RYR2: variants seen among roughly 807,000 people sequenced by gnomAD.
RYR2 encodes the protein cardiac muscle ryanodine receptor-calcium release channel.
A neutral mutation model predicts 601.1 loss-of-function variants in RYR2; 227 were observed. That is an observed-to-expected ratio of 0.38 (90% confidence interval 0.34 to 0.42). RYR2 has a LOEUF of 0.42. Among genes scored for constraint, RYR2 ranks in the 10% least tolerant of loss-of-function variants. The pLI, the probability that RYR2 is intolerant of heterozygous loss-of-function variation, is 1.00. For synonymous variants in RYR2, 2,223 were observed against 2,175.1 expected, an observed-to-expected ratio of 1.02 and a Z score of -0.61; for missense variants, 4,646 against 6,156.5, an observed-to-expected ratio of 0.75 and a Z score of 8.21.
chr1:237,813,506 G>T (rs1558470891), intron 100 of RYR2, among the ~76,000 whole-genome samples: 1 of 152,174 alleles, frequency 6.6e-6, no homozygotes, highest in Admixed American at 6.6e-5. Context: ...CTTTTATTAT[G>T]CAGTCGTCAT....
intron 36 of RYR2, 93 bp downstream of exon 36, chr1:237,611,081 T>C (rs907864966): frequency 2.9e-6 from 3 of 1,019,446 alleles, no homozygotes; most frequent in South Asian, 3.2e-5. Flanking sequence ...GCAGGGGTGG[T>C]TCTAAAGAAA....
chr1:237,175,024 A>G (rs1677862316), intron 1 of RYR2, among the ~76,000 whole-genome samples: 1 of 152,234 alleles, frequency 6.6e-6, no homozygotes, highest in Non-Finnish European at 1.5e-5. Flanking sequence ...TTATGTTTGT[A>G]AAGCCTTAGT....
chr1:237,085,910 C>T (rs969275320), intron 1 of RYR2, among the ~76,000 whole-genome samples: 6 of 152,306 alleles, frequency 3.9e-5, no homozygotes, highest in East Asian at 3.9e-4. Flanking sequence ...TGTGCCGCTA[C>T]GCCTGGCTAA....
At chr1:237,770,240 T>G (rs1694166469) in intron 84 of RYR2, among the ~76,000 whole-genome samples, 1 of 152,222 alleles carries the variant, frequency 6.6e-6, no homozygotes, top group South Asian at 2.1e-4. Context: ...TCAGAAATCT[T>G]TCTTTTTATT....
chr1:237,636,955 G>T (rs182402171), intron 44 of RYR2, among the ~76,000 whole-genome samples: 1 of 152,296 alleles, frequency 6.6e-6, no homozygotes, highest in Admixed American at 6.5e-5. Context: ...ATGCTGCATG[G>T]TTATGTGTAC....
intron 71 of RYR2, among the ~76,000 whole-genome samples, chr1:237,712,924 G>A (rs1289614534): frequency 6.6e-6 from 1 of 152,196 alleles, no homozygotes; most frequent in African/African-American, 2.4e-5. Flanking sequence ...CTCAGGCAGA[G>A]CAAATTAGCC....
intron 12 of RYR2, among the ~76,000 whole-genome samples, chr1:237,424,430 C>T (rs1370184149): frequency 1.3e-5 from 2 of 152,142 alleles, no homozygotes; most frequent in Non-Finnish European, 2.9e-5. Flanking sequence ...CTAGGAAATT[C>T]TTAGTATTCA....
chr1:237,786,115 G>A (rs890792003), intron 91 of RYR2, 79 bp downstream of exon 91: 3 of 879,214 alleles, frequency 3.4e-6, no homozygotes, highest in Non-Finnish European at 5.4e-6. Flanking sequence ...GTCTTTGGGA[G>A]CTGCAAGGGA....
chr1:237,235,332 C>T (rs139687804), intron 1 of RYR2, among the ~76,000 whole-genome samples: 2 of 152,174 alleles, frequency 1.3e-5, no homozygotes, highest in Non-Finnish European at 2.9e-5. Flanking sequence ...TCTAGCCTCT[C>T]GAGAGCAGCC....
intron 46 of RYR2, among the ~76,000 whole-genome samples, chr1:237,639,861 T>C (rs1285272967): frequency 1.3e-5 from 2 of 152,152 alleles, no homozygotes; most frequent in African/African-American, 2.4e-5. Flanking sequence ...TAGGGCTTTA[T>C]TGAGGCACAT....
At position 237,705,298 on chromosome 1, in the gene RYR2, A is replaced by G; in HGVS notation, c.9535A>G (p.Asn3179Asp). 6.2e-7 allele frequency: 1 copy of G among 1,604,556 alleles called. No individual in the cohort carries two copies. Among genetic ancestry groups the G allele is most frequent in the Non-Finnish European group, 8.5e-7 (1 of 1,174,470 alleles). Reference protein sequence around the residue: ...AFLETHLDKHNIYSIYNTKSS... With the variant: ...AFLETHLDKHDIYSIYNTKSS... ...TTTGGAAACTCATCTGGACAAACATAATATTTACTCCATCTACAATACCAA... is the reference window on the plus strand; with the variant it reads ...TTTGGAAACTCATCTGGACAAACATGATATTTACTCCATCTACAATACCAA... Residue 3179 changes from asparagine to aspartate, a missense_variant, in exon 67 of 105, where the codon AAT becomes GAT. By Grantham distance (23) the Asn-to-Asp change is conservative. Transcript: ENST00000366574.
chr1:237,795,083 G>C (rs1490207023), intron 95 of RYR2, among the ~76,000 whole-genome samples: 1 of 151,990 alleles, frequency 6.6e-6, no homozygotes, highest in Non-Finnish European at 1.5e-5. Context: ...ATAATCTTTT[G>C]TATATATTTA....
At chr1:237,544,810 A>C (rs1330025003) in intron 25 of RYR2, among the ~76,000 whole-genome samples, 4 of 152,326 alleles carry the variant, frequency 2.6e-5, no homozygotes, top group African/African-American at 9.6e-5. Context: ...TTCATAAATT[A>C]TTGCTGTTAC....
intron 82 of RYR2, among the ~76,000 whole-genome samples, chr1:237,758,439 TA>T (rs1693133878): frequency 6.6e-6 from 1 of 152,194 alleles, no homozygotes; most frequent in South Asian, 2.1e-4. Flanking sequence ...GACCAAAAGT[TA>T]TCACACCCCC....
chr1:237,830,711 TTTTG>T (rs1290231669), intron 103 of RYR2, 81 bp downstream of exon 103: 1 of 685,868 alleles, frequency 1.5e-6, no homozygotes, highest in South Asian at 2.1e-5. Context: ...GAGAGGAAGT[TTTTG>T]TTTATTGTTT....
intron 10 of RYR2, among the ~76,000 whole-genome samples, chr1:237,405,494 A>G (rs1252864017): frequency 6.6e-6 from 1 of 152,212 alleles, no homozygotes; most frequent in Non-Finnish European, 1.5e-5. Context: ...TCTATCCTAA[A>G]TGTTCAAGTT....
Position 237,500,875 on chromosome 1 carries a change from C to G in RYR2, c.2368C>G (p.Pro790Ala). The G allele has an allele frequency of 6.2e-7, 1 of 1,613,986 alleles. No individual in the cohort carries two copies. The highest frequency in any genetic ancestry group is 8.5e-7 in the Non-Finnish European group (1 of 1,179,882). Residue 790 changes from proline (P) to alanine (A), a missense_variant, in exon 21 of 105, where the codon CCA becomes GCA. By Grantham distance (27) the Pro-to-Ala change is conservative. Around this residue, in one of 17 missense-constraint regions of RYR2, gnomAD observed 1,807 missense variants for 2,088.1 expected, o/e 0.87. Coordinates refer to ENST00000366574, the MANE Select transcript of RYR2 (RefSeq NM_001035.3). ...ENFNIDGLFF[P>A]VVSFSAGIKV... The stretch of plus-strand genomic sequence containing the variant: ...TTTCAACATCGATGGCCTCTTCTTT[C>G]CAGTCGTTAGTTTCTCTGCAGGAAT...
chr1:237,735,500 A>G (rs1227453010), intron 79 of RYR2, among the ~76,000 whole-genome samples: 1 of 152,204 alleles, frequency 6.6e-6, no homozygotes, highest in Non-Finnish European at 1.5e-5. Context: ...TCTGGAGTCC[A>G]TGAGACCTGC....
chr1:237,212,543 T>C (rs1010117285), intron 1 of RYR2, among the ~76,000 whole-genome samples: 3 of 152,170 alleles, frequency 2.0e-5, no homozygotes, highest in Non-Finnish European at 4.4e-5. Context: ...TGTTGGAGGC[T>C]GCAGGATGGT....
Sources: gnomAD v4.1 joint callset for allele counts (sites outside exome capture counted in the v4.1 genomes callset) on GRCh38, gnomAD v4.1.1 for gene constraint, gnomAD v4.1.1 regional missense constraint, MANE v1.5 for transcripts, NCBI Gene and HGNC (gene_info 2026-07-23, HGNC 2026-07-21) for gene names.